STK24: variants seen among roughly 807,000 people sequenced by gnomAD.
The protein encoded by STK24 is serine/threonine kinase 24, also known as serine/threonine-protein kinase 24.
STK24 carries 21 observed loss-of-function variants against 55.6 expected under a neutral mutation model. The observed-to-expected ratio is 0.38, with a 90% CI of 0.27 to 0.54. The LOEUF (loss-of-function observed/expected upper bound fraction) is 0.54. Ranked by LOEUF, STK24 falls within the 20% of genes least tolerant of loss-of-function variation. STK24 has a pLI of 0.79. For missense variants in STK24, 383 were observed against 538.4 expected, an observed-to-expected ratio of 0.71 and a Z score of 2.86; for synonymous variants, 200 against 215.2, an observed-to-expected ratio of 0.93 and a Z score of 0.62.
intron 2 of STK24, among the ~76,000 whole-genome samples, chr13:98,486,836 T>TAGA (rs1894826907): frequency 6.6e-6 from 1 of 152,200 alleles, no homozygotes; most frequent in Non-Finnish European, 1.5e-5. Context: ...GACCAGCTCT[T>TAGA]ACCAGGAGAC....
intron 1 of STK24, among the ~76,000 whole-genome samples, chr13:98,557,624 C>A (rs997397268): frequency 1.3e-5 from 2 of 152,342 alleles, no homozygotes; most frequent in African/African-American, 4.8e-5. Flanking sequence ...AAACTGTCAA[C>A]GCCCAAAATG....
chr13:98,467,465 G>A (rs1893967677), intron 5 of STK24, among the ~76,000 whole-genome samples: 1 of 152,130 alleles, frequency 6.6e-6, no homozygotes, highest in Admixed American at 6.5e-5. Flanking sequence ...AGTCCACGGG[G>A]TACAACTGAC....
At chr13:98,524,856 CG>C (rs1896377895) in intron 1 of STK24, among the ~76,000 whole-genome samples, 1 of 152,198 alleles carries the variant, frequency 6.6e-6, no homozygotes, top group African/African-American at 2.4e-5. Context: ...TCCCAAAAGA[CG>C]TTTCCAGGCG....
At chr13:98,503,418 G>T (rs1300121361) in intron 2 of STK24, among the ~76,000 whole-genome samples, 1 of 152,200 alleles carries the variant, frequency 6.6e-6, no homozygotes, top group Admixed American at 6.5e-5. Flanking sequence ...GCTGAAGCTA[G>T]AATTCATTTG....
intron 9 of STK24, among the ~76,000 whole-genome samples, chr13:98,459,592 T>C (rs1318692002): frequency 6.6e-6 from 1 of 152,146 alleles, no homozygotes; most frequent in Non-Finnish European, 1.5e-5. Context: ...GAGAATGAGC[T>C]CCTATGACAC....
intron 5 of STK24, among the ~76,000 whole-genome samples, chr13:98,469,154 C>T (rs549159298): frequency 4.6e-5 from 7 of 152,336 alleles, no homozygotes; most frequent in Non-Finnish European, 7.4e-5. Flanking sequence ...GTGTGCACCA[C>T]GGGAAGTTCA....
chr13:98,462,534 G>A (rs570376380), intron 7 of STK24, among the ~76,000 whole-genome samples: 12 of 151,790 alleles, frequency 7.9e-5, no homozygotes, highest in South Asian at 2.1e-4. Context: ...ACCTCCTCCC[G>A]CCCCTCGGCC....
At chr13:98,453,453 G>A (rs972339416) in intron 10 of STK24, 12 of 508,904 alleles carry the variant, frequency 2.4e-5, no homozygotes, top group Non-Finnish European at 4.1e-5. Context: ...CAGCCTCCCT[G>A]GAGAGATGTG....
At chr13:98,548,495 C>A (rs1897082421) in intron 1 of STK24, among the ~76,000 whole-genome samples, 1 of 152,164 alleles carries the variant, frequency 6.6e-6, no homozygotes, top group Non-Finnish European at 1.5e-5. Flanking sequence ...CAAGGGTTTA[C>A]CCTCAAATCA....
At chr13:98,555,668 T>C (rs1162529196) in intron 1 of STK24, among the ~76,000 whole-genome samples, 3 of 150,456 alleles carry the variant, frequency 2.0e-5, no homozygotes, top group East Asian at 3.9e-4. Context: ...CCTACACATA[T>C]CAGCCTCCCT....
At chr13:98,488,414 TTTTA>T (rs1209102025) in intron 2 of STK24, among the ~76,000 whole-genome samples, 2 of 151,930 alleles carry the variant, frequency 1.3e-5, no homozygotes, top group African/African-American at 4.8e-5. Context: ...TTCAGGGGAG[TTTTA>T]TTTATCTTTC....
At chr13:98,538,546 C>T (rs944323641) in intron 1 of STK24, among the ~76,000 whole-genome samples, 1 of 150,514 alleles carries the variant, frequency 6.6e-6, no homozygotes, top group African/African-American at 2.5e-5. Flanking sequence ...ATCCCTTCCT[C>T]AAGCAGTAGC....
intron 1 of STK24, among the ~76,000 whole-genome samples, chr13:98,524,441 C>G: frequency 6.6e-6 from 1 of 152,246 alleles, no homozygotes; most frequent in South Asian, 2.1e-4. Flanking sequence ...GAAGAGAGCA[C>G]GGCACCGGAT....
Position 98,551,008 on chromosome 13 carries a change from C to T in STK24, c.42+25737G>A, listed in dbSNP as rs184533338. 1.4e-3 allele frequency among the ~76,000 whole-genome samples: 216 copies of T among 152,124 alleles called. 5 individuals are homozygous for T. Among genetic ancestry groups the T allele is most frequent in the Admixed American group, 0.012 (181 of 15,292 alleles). ...CAGCCTATAAAAATCAACACTTGGC[C>T]GGGCGTGGTGGCTCACGCCTGTAAT... On this transcript the variant is annotated intron_variant, in intron 1 of 10. Transcript: ENST00000539966.
In STK24 at chr13:98,448,510, CCA is replaced by C. The variant is rs1893005668; in HGVS notation, c.*4661_*4662del. On this transcript the variant is annotated 3_prime_UTR_variant, in exon 11 of 11. Transcript: ENST00000539966. The stretch of plus-strand genomic sequence containing the variant: ...GTCTGAATGAACAGCGCTCCCACCT[CCA>C]GTCCTGGCATCCGCTGGGGGCGCTG... 1 of 583,872 alleles carries C rather than the reference CCA, an allele frequency of 1.7e-6. No individual in the cohort carries two copies. The highest frequency in any genetic ancestry group is 1.9e-5 in the African/African-American group (1 of 53,482). 36.2% of individuals were successfully genotyped at this position (583,872 alleles called of 1,614,324 possible). A position where few individuals can be genotyped will look rare whatever the true frequency, so the allele number is the denominator to read the frequency against.
intron 1 of STK24, chr13:98,576,270 C>CGCCCT (rs1415402086): frequency 5.2e-6 from 5 of 966,358 alleles, no homozygotes; most frequent in South Asian, 9.4e-5. Flanking sequence ...TCCCCGTCCC[C>CGCCCT]GCCCTGCCCA....
At chr13:98,461,677 G>A in intron 8 of STK24, 97 bp downstream of exon 8, 1 of 1,537,668 alleles carries the variant, frequency 6.5e-7, no homozygotes. Context: ...CTGCCACAAA[G>A]GACCCCAGCC....
intron 1 of STK24, among the ~76,000 whole-genome samples, chr13:98,535,072 G>A (rs1158122850): frequency 6.6e-6 from 1 of 152,216 alleles, no homozygotes; most frequent in African/African-American, 2.4e-5. Flanking sequence ...CAACGGGCCA[G>A]GCGTGGTGGC....
intron 1 of STK24, among the ~76,000 whole-genome samples, chr13:98,540,217 G>A (rs1594653765): frequency 2.6e-5 from 4 of 152,344 alleles, no homozygotes; most frequent in Admixed American, 2.6e-4. Flanking sequence ...GGTGGGAACA[G>A]AGATCACCTG....
Sources: gnomAD v4.1 joint callset for allele counts (sites outside exome capture counted in the v4.1 genomes callset) on GRCh38, gnomAD v4.1.1 for gene constraint, MANE v1.5 for transcripts, NCBI Gene and HGNC (gene_info 2026-07-23, HGNC 2026-07-21) for gene names.